USP12: variants seen among roughly 807,000 people sequenced by gnomAD.
USP12 encodes the protein ubiquitin carboxyl-terminal hydrolase 12.
A neutral mutation model predicts 45.5 loss-of-function variants in USP12; 19 were observed. The ratio of observed to expected loss-of-function variants is 0.42; its 90% CI spans 0.29 to 0.61. The LOEUF (loss-of-function observed/expected upper bound fraction) is 0.61, where lower values mean the gene tolerates loss of function less well. Ranked by LOEUF, USP12 falls within the 20% of genes least tolerant of loss-of-function variation. The probability of loss-of-function intolerance (pLI) is 0.22; values close to 1 mark genes in which losing one functional copy is unlikely to be tolerated. For synonymous variants in USP12, 149 were observed against 148.8 expected (o/e 1.00, Z -0.01); for missense variants, 242 against 447.7 (o/e 0.54, Z 4.15).
chr13:27,132,405 C>T (rs555936167), intron 1 of USP12, among the ~76,000 whole-genome samples: 2 of 151,052 alleles, frequency 1.3e-5, no homozygotes, highest in Non-Finnish European at 2.9e-5. Context: ...AATATCATTC[C>T]AATAAAAAGC....
At chr13:27,139,142 T>C (rs1007017865) in intron 1 of USP12, among the ~76,000 whole-genome samples, 3 of 152,248 alleles carry the variant, frequency 2.0e-5, no homozygotes, top group African/African-American at 7.2e-5. Flanking sequence ...CAGTTCAACA[T>C]ACAGATCAAG....
chr13:27,125,134 TA>T (rs1565996950), intron 1 of USP12, among the ~76,000 whole-genome samples: 1 of 152,186 alleles, frequency 6.6e-6, no homozygotes, highest in African/African-American at 2.4e-5. Context: ...TTATTAGGAG[TA>T]AACAAAGTCT....
At chr13:27,169,285 C>A (rs1041956340) in intron 1 of USP12, 1 of 152,100 alleles carries the variant, frequency 6.6e-6, no homozygotes, top group Non-Finnish European at 1.5e-5. Flanking sequence ...GTAAGGCTCC[C>A]TGCTTAAGAG....
At chr13:27,085,214 C>G (rs567868023) in intron 6 of USP12, among the ~76,000 whole-genome samples, 1 of 151,314 alleles carries the variant, frequency 6.6e-6, no homozygotes, top group South Asian at 2.1e-4. Context: ...GCTCTGTTGC[C>G]CAGGCTGGAG....
intron 1 of USP12, among the ~76,000 whole-genome samples, chr13:27,134,924 T>C (rs1052130896): frequency 2.0e-5 from 3 of 152,208 alleles, no homozygotes; most frequent in African/African-American, 7.2e-5. Context: ...TAAATGAAAG[T>C]AGACATGTTC....
At chr13:27,146,148 T>A (rs1877297267) in intron 1 of USP12, among the ~76,000 whole-genome samples, 1 of 152,178 alleles carries the variant, frequency 6.6e-6, no homozygotes, top group East Asian at 1.9e-4. Flanking sequence ...ACTCCTGTAA[T>A]CCCAGCACTT....
intron 7 of USP12, among the ~76,000 whole-genome samples, 175 bp from the exon 8 acceptor site, chr13:27,071,324 A>G (rs909297221): frequency 6.6e-6 from 1 of 152,208 alleles, no homozygotes; most frequent in Non-Finnish European, 1.5e-5. Flanking sequence ...ACTGAGTTGA[A>G]CTGGTCATCA....
intron 1 of USP12, among the ~76,000 whole-genome samples, chr13:27,136,617 C>T (rs1013561547): frequency 1.3e-5 from 2 of 152,084 alleles, no homozygotes; most frequent in Admixed American, 6.6e-5. Context: ...AGTCAACTCA[C>T]GTTAAATTAG....
At chr13:27,139,593 G>A (rs1876964445) in intron 1 of USP12, among the ~76,000 whole-genome samples, 1 of 152,132 alleles carries the variant, frequency 6.6e-6, no homozygotes, top group Non-Finnish European at 1.5e-5. Context: ...TCCAGCCTGG[G>A]AGAAAGAGCA....
intron 1 of USP12, among the ~76,000 whole-genome samples, chr13:27,149,855 G>A (rs1005127693): frequency 6.6e-6 from 1 of 152,160 alleles, no homozygotes; most frequent in Non-Finnish European, 1.5e-5. Context: ...TAGATCCCTC[G>A]CATGCGCGGT....
In USP12 at chr13:27,130,448, C is replaced by T. The variant is rs1318659; in HGVS notation, c.49-13852G>A. ...CATTATACAAATGGATGACTGCAAG[C>T]CTCAAAAAAGCAATCACTGAGGAGG... On this transcript the variant is annotated intron_variant, in intron 1 of 8. Coordinates refer to ENST00000282344, the MANE Select transcript of USP12 (RefSeq NM_182488.4). Among the ~76,000 whole-genome samples the T allele has an allele frequency of 6.3e-3, 962 of 151,764 alleles. 6 individuals carry two copies. The highest frequency in any genetic ancestry group is 0.022 in the African/African-American group (918 of 41,338).
At chr13:27,076,733 G>C (rs960982836) in intron 6 of USP12, among the ~76,000 whole-genome samples, 1 of 151,980 alleles carries the variant, frequency 6.6e-6, no homozygotes, top group African/African-American at 2.4e-5. Context: ...GTAAGCCACT[G>C]CCTCTAATAA....
intron 7 of USP12, among the ~76,000 whole-genome samples, chr13:27,072,570 C>T (rs1873295098): frequency 6.6e-6 from 1 of 152,048 alleles, no homozygotes; most frequent in Non-Finnish European, 1.5e-5. Context: ...TAAAGAGATA[C>T]CAACAACTGC....
At chr13:27,171,555 TC>T (rs1460353053) in intron 1 of USP12, 36 bp downstream of exon 1, 1 of 1,189,060 alleles carries the variant, frequency 8.4e-7, no homozygotes, top group South Asian at 1.6e-5. Context: ...GCCCGAGAGG[TC>T]CCGGCAGCCC....
At chr13:27,133,814 T>G in intron 1 of USP12, among the ~76,000 whole-genome samples, 1 of 152,254 alleles carries the variant, frequency 6.6e-6, no homozygotes, top group Admixed American at 6.5e-5. Context: ...CAGAAAAATG[T>G]CCTAATTTTA....
At chr13:27,110,732 A>G (rs543809419) in intron 2 of USP12, among the ~76,000 whole-genome samples, 1 of 152,320 alleles carries the variant, frequency 6.6e-6, no homozygotes, top group African/African-American at 2.4e-5. Flanking sequence ...TGTTACTAAG[A>G]TTAATTTACC....
chr13:27,147,389 A>T (rs1877356180), intron 1 of USP12, among the ~76,000 whole-genome samples: 1 of 152,222 alleles, frequency 6.6e-6, no homozygotes, highest in Non-Finnish European at 1.5e-5. Context: ...ATAGTAATAT[A>T]TTATCAGCTG....
Position 27,095,669 on chromosome 13 carries a change from G to A in USP12, c.505C>T (p.Pro169Ser), listed in dbSNP as rs761395018. ...TGAAAAATCTCATGAACCCACGTTG[G>A]GTCTGGTGTGCTGTTATTATTTTCA... ...DNENNNSTPD[P>S]TWVHEIFQGT... Residue 169 changes from proline (P) to serine (S), a missense_variant, in exon 4 of 9, where the codon CCA becomes TCA. Physicochemically the swap from Pro to Ser is moderately conservative, Grantham distance 74. Transcript: ENST00000282344. 1.9e-6 allele frequency: 3 copies of A among 1,612,328 alleles called. No individual in the cohort carries two copies. Among genetic ancestry groups the A allele is most frequent in the Non-Finnish European group, 2.5e-6 (3 of 1,179,336 alleles).
intron 6 of USP12, among the ~76,000 whole-genome samples, chr13:27,088,308 C>G (rs1312714631): frequency 2.0e-5 from 3 of 147,692 alleles, no homozygotes; most frequent in Non-Finnish European, 4.5e-5. Context: ...CCCAGCTACT[C>G]GGGAGGCTGA....
Sources: gnomAD v4.1 joint callset for allele counts (sites outside exome capture counted in the v4.1 genomes callset) on GRCh38, gnomAD v4.1.1 for gene constraint, MANE v1.5 for transcripts, NCBI Gene and HGNC (gene_info 2026-07-23, HGNC 2026-07-21) for gene names.